TSGA10IP: variants seen among roughly 807,000 people sequenced by gnomAD.
TSGA10IP encodes testis specific 10 interacting protein, also known as testis-specific protein 10-interacting protein.
TSGA10IP carries 64 observed loss-of-function variants against 63.2 expected under a neutral mutation model. That is an observed-to-expected ratio of 1.01 (90% CI 0.83 to 1.25). The LOEUF is 1.25. Among genes scored for constraint, TSGA10IP ranks in the 50% most tolerant of loss-of-function variants. The probability of loss-of-function intolerance (pLI) is 0.00; values close to 1 mark genes in which losing one functional copy is unlikely to be tolerated. For synonymous variants in TSGA10IP, 316 were observed against 298.3 expected, an observed-to-expected ratio of 1.06 and a Z score of -0.61; for missense variants, 681 against 710.1, an observed-to-expected ratio of 0.96 and a Z score of 0.47.
rs376240417 is a variant in TSGA10IP, at chr11:65,959,920, G to C, written c.1651G>C (p.Asp551His). ...TGACAGGCACTACAACCCCAGCCTGGACCCGGAGTGCAGTCCCTGAGATAA... is the reference window on the plus strand; with the variant it reads ...TGACAGGCACTACAACCCCAGCCTGCACCCGGAGTGCAGTCCCTGAGATAA... The change falls in exon 8 of 8, where the codon GAC becomes CAC. Residue 551 changes from aspartate to histidine, a missense_variant. Asp to His is a moderately conservative substitution (Grantham distance 81). Coordinates refer to ENST00000532620, the Ensembl canonical transcript of TSGA10IP. 14 of 1,613,290 alleles carry C rather than the reference G, an allele frequency of 8.7e-6. No homozygotes were observed. The highest frequency in any genetic ancestry group is 1.2e-5 in the Non-Finnish European group (14 of 1,179,708).
chr11:65,946,329 G>T (rs1475820139), intron 1 of TSGA10IP, among the ~76,000 whole-genome samples: 1 of 152,102 alleles, frequency 6.6e-6, no homozygotes, highest in African/African-American at 2.4e-5. Flanking sequence ...AAGGTTACGT[G>T]TGTTTATGCA....
intron 5 of TSGA10IP, among the ~76,000 whole-genome samples, chr11:65,954,034 T>C (rs1202620678): frequency 1.3e-5 from 2 of 152,204 alleles, no homozygotes; most frequent in East Asian, 3.8e-4. Flanking sequence ...ATGCTTGTTA[T>C]AAAATTTCAA....
chr11:65,953,756 G>T lies in TSGA10IP; in HGVS notation c.1322+19G>T. On this transcript the variant is annotated intron_variant, in intron 5 of 7. Transcript: ENST00000532620. The stretch of plus-strand genomic sequence containing the variant: ...AGCTGAGGTAGGGAGCCTGGGCTTC[G>T]GGAGGCCTGGTTGGGAGAGGGCAGG... 1 of 1,494,666 alleles carries T rather than the reference G, an allele frequency of 6.7e-7. No individual in the cohort carries two copies. Among genetic ancestry groups the T allele is most frequent in the South Asian group, 1.3e-5 (1 of 75,996 alleles). The allele number at this position is 1,494,666 out of a possible 1,614,324, so 92.6% of individuals were successfully genotyped here.
intron 4 of TSGA10IP, 151 bp from the exon 5 acceptor site, chr11:65,953,416 A>C (rs1854972000): frequency 1.9e-6 from 2 of 1,074,852 alleles, no homozygotes; most frequent in East Asian, 3.0e-5. Context: ...TCTGTCATGG[A>C]CTTCCATGAC....
chr11:65,948,361 C>T (rs758097341), intron 4 of TSGA10IP, among the ~76,000 whole-genome samples: 2 of 152,168 alleles, frequency 1.3e-5, no homozygotes, highest in Non-Finnish European at 2.9e-5. Context: ...ATCCACTCAA[C>T]CATTCATCCA....
intron 5 of TSGA10IP, among the ~76,000 whole-genome samples, chr11:65,956,989 C>T (rs1405250262): frequency 6.6e-6 from 1 of 152,330 alleles, no homozygotes; most frequent in African/African-American, 2.4e-5. Flanking sequence ...CCATTACAGC[C>T]TATGAACTTC....
intron 5 of TSGA10IP, 38 bp from the exon 6 acceptor site, chr11:65,958,845 T>C (rs959908718): frequency 6.4e-7 from 1 of 1,571,362 alleles, no homozygotes; most frequent in Non-Finnish European, 8.7e-7. Context: ...AACAGTTGTG[T>C]CCATGGTTAG....
At chr11:65,955,550 T>C (rs578160981) in intron 5 of TSGA10IP, among the ~76,000 whole-genome samples, 1 of 150,746 alleles carries the variant, frequency 6.6e-6, no homozygotes, top group Admixed American at 6.6e-5. Context: ...GAGGCGGAGG[T>C]TGCAGTGAGC....
At chr11:65,948,014 G>T in exon 4 of TSGA10IP, 1 of 1,562,054 alleles carries the variant, frequency 6.4e-7, no homozygotes, top group Admixed American at 1.9e-5. Flanking sequence ...CCCAAAAGCT[G>T]CCCTGGAAGA....
intron 7 of TSGA10IP, 31 bp from the exon 8 acceptor site, chr11:65,959,786 A>G (rs1198759136): frequency 1.3e-6 from 2 of 1,535,336 alleles, no homozygotes; most frequent in African/African-American, 2.8e-5. Flanking sequence ...TGGGAGCTGC[A>G]GAGTCAGGGG....
At chr11:65,947,557 A>G in exon 3 of TSGA10IP, 1 of 1,613,866 alleles carries the variant, frequency 6.2e-7, no homozygotes, top group South Asian at 1.1e-5. Context: ...GGTCGATCTC[A>G]GAGGAGGAGC....
At chr11:65,946,987 G>A (rs554176334) in exon 2 of TSGA10IP, 1 of 1,614,030 alleles carries the variant, frequency 6.2e-7, no homozygotes, top group Non-Finnish European at 8.5e-7. Flanking sequence ...GCCAGAGCAA[G>A]AAAGGACAGG....
chr11:65,953,864 G>C, intron 5 of TSGA10IP, 127 bp downstream of exon 5: 1 of 743,078 alleles, frequency 1.3e-6, no homozygotes, highest in Non-Finnish European at 1.9e-6. Flanking sequence ...ACTTCACCGC[G>C]TTTCCAGATA....
chr11:65,950,312 C>T (rs754121355), intron 4 of TSGA10IP, among the ~76,000 whole-genome samples: 10 of 152,152 alleles, frequency 6.6e-5, no homozygotes, highest in Non-Finnish European at 1.5e-4. Context: ...CTTTGACCAA[C>T]ATCTCCCTTC....
chr11:65,956,536 G>A (rs1476656280), intron 5 of TSGA10IP, among the ~76,000 whole-genome samples: 1 of 151,628 alleles, frequency 6.6e-6, no homozygotes, highest in African/African-American at 2.4e-5. Context: ...TGTTTAGGGG[G>A]ATCCTTTCTC....
rs1358403428 is a variant in TSGA10IP at position 65,948,167 on chromosome 11, G to C, written c.1151+19G>C. 1.3e-6 allele frequency: 2 copies of C among 1,595,620 alleles called. No homozygotes were observed. Among genetic ancestry groups the C allele is most frequent in the South Asian group, 2.3e-5 (2 of 87,762 alleles). ...CCACCAGGTAAGAGGGAAGAGAAGG[G>C]AGTGGGAGCCCAGAATGAGAAGTAG... is the stretch of plus-strand genomic sequence containing the variant. On this transcript the variant is annotated intron_variant, in intron 4 of 7. Coordinates refer to ENST00000532620, the Ensembl canonical transcript of TSGA10IP.
chr11:65,959,941 G>T, exon 8 of TSGA10IP: 2 of 1,613,176 alleles, frequency 1.2e-6, no homozygotes, highest in Non-Finnish European at 1.7e-6. Context: ...CAGTCCCTGA[G>T]ATAAAATTAA....
At position 65,947,091 on chromosome 11, in the gene TSGA10IP, C is replaced by T. The variant is rs564205157; in HGVS notation, c.285-19C>T. ...TGGGGGCTGGCGCCGACCCTGACCC[C>T]CACCCTTTCCTTCTTCAGTCACTTC... is the stretch of plus-strand genomic sequence containing the variant. On this transcript the variant is annotated intron_variant, in intron 2 of 7. Transcript: ENST00000532620. The T allele has an allele frequency of 1.2e-6, 2 of 1,609,324 alleles. No homozygotes were observed. The highest frequency in any genetic ancestry group is 3.3e-5 in the Admixed American group (2 of 59,760).
At chr11:65,946,807 C>T (rs1854842215) in intron 1 of TSGA10IP, 73 bp from the exon 2 acceptor site, 1 of 1,530,776 alleles carries the variant, frequency 6.5e-7, no homozygotes, top group Admixed American at 2.0e-5. Context: ...ACAGAGGGAG[C>T]ACCCGGGTGA....
Sources: allele counts gnomAD v4.1 joint callset (sites outside exome capture counted in the v4.1 genomes callset), GRCh38; gene constraint gnomAD v4.1.1; transcripts MANE v1.5; gene names NCBI Gene and HGNC (gene_info 2026-07-23, HGNC 2026-07-21).